MAMLD1: variants seen among roughly 807,000 people sequenced by gnomAD.
MAMLD1 encodes mastermind like domain containing 1, also known as mastermind-like domain-containing protein 1.
MAMLD1 carries 14 observed loss-of-function variants against 45.0 expected under a neutral mutation model. The ratio of observed to expected loss-of-function variants is 0.31; its 90% CI spans 0.21 to 0.49. MAMLD1 has a LOEUF of 0.49. Ranked by LOEUF, MAMLD1 falls within the 20% of genes least tolerant of loss-of-function variation. The pLI is 0.99. For synonymous variants in MAMLD1, 254 were observed against 247.8 expected, an observed-to-expected ratio of 1.02 and a Z score of -0.24; for missense variants, 543 against 603.6, an observed-to-expected ratio of 0.90 and a Z score of 1.05.
chrX:150,386,209 G>A (rs1402794420), intron 1 of MAMLD1, among the ~76,000 whole-genome samples: 1 of 111,077 alleles, frequency 9.0e-6, no homozygotes, highest in Non-Finnish European at 1.9e-5. Flanking sequence ...GCTTTTTCCA[G>A]CAGTAATTTA....
chrX:150,443,766 AC>A (rs782815326), intron 1 of MAMLD1, among the ~76,000 whole-genome samples: 2 of 109,163 alleles, frequency 1.8e-5, no homozygotes, highest in South Asian at 7.9e-4. Flanking sequence ...CTTTGCTGAG[AC>A]TTTCTATATT....
At chrX:150,404,380 C>G (rs2033947687) in intron 1 of MAMLD1, among the ~76,000 whole-genome samples, 1 of 111,597 alleles carries the variant, frequency 9.0e-6, no homozygotes, top group Non-Finnish European at 1.9e-5. Flanking sequence ...GAGATTCTCA[C>G]CCAGAAAGCT....
At chrX:150,407,556 T>C (rs1203771302) in intron 1 of MAMLD1, among the ~76,000 whole-genome samples, 1 of 112,293 alleles carries the variant, frequency 8.9e-6, no homozygotes, top group Non-Finnish European at 1.9e-5. Flanking sequence ...ACCTATTTGA[T>C]TACTTAGGCT....
chrX:150,407,009 A>G, intron 1 of MAMLD1, among the ~76,000 whole-genome samples: 1 of 110,632 alleles, frequency 9.0e-6, no homozygotes, highest in Non-Finnish European at 1.9e-5. Context: ...TCTCAGGAGA[A>G]CCTCTCTAAC....
intron 1 of MAMLD1, among the ~76,000 whole-genome samples, chrX:150,398,738 T>C (rs377036151): frequency 1.8e-4 from 20 of 111,973 alleles, no homozygotes; most frequent in East Asian, 1.4e-3. Context: ...GACATTTCTA[T>C]GTCCTATGAC....
At chrX:150,477,130 T>C (rs1382424152) in intron 5 of MAMLD1, among the ~76,000 whole-genome samples, 1 of 113,375 alleles carries the variant, frequency 8.8e-6, no homozygotes, top group African/African-American at 3.2e-5. Context: ...GCTCAGACTT[T>C]GGATCACTTG....
At chrX:150,455,716 C>T (rs1284325809) in intron 2 of MAMLD1, among the ~76,000 whole-genome samples, 2 of 110,872 alleles carry the variant, frequency 1.8e-5, no homozygotes, top group East Asian at 5.6e-4. Flanking sequence ...CCTCTAATCA[C>T]CCTACACTGC....
chrX:150,368,487 A>G (rs2031702019), intron 1 of MAMLD1, among the ~76,000 whole-genome samples: 1 of 110,635 alleles, frequency 9.0e-6, no homozygotes, highest in African/African-American at 3.3e-5. Flanking sequence ...GTAGATTGCA[A>G]AAATTTTCTC....
chrX:150,427,443 A>T (rs1488986761), intron 1 of MAMLD1, among the ~76,000 whole-genome samples: 4 of 111,918 alleles, frequency 3.6e-5, no homozygotes, highest in African/African-American at 1.3e-4. Flanking sequence ...ACCCTTGAAA[A>T]ATGATGGCTC....
At chrX:150,454,404 A>C (rs1292510234) in intron 2 of MAMLD1, among the ~76,000 whole-genome samples, 2 of 112,075 alleles carry the variant, frequency 1.8e-5, no homozygotes, top group Non-Finnish European at 3.8e-5. Flanking sequence ...TTTTAGCCAC[A>C]TGACATCTAA....
chrX:150,481,964 AAAAG>A (rs57124938), intron 5 of MAMLD1, among the ~76,000 whole-genome samples: 8,956 of 56,060 alleles, frequency 0.16, 725 homozygotes, highest in Middle Eastern at 0.18. Flanking sequence ...AAAGAAAGAA[AAAAG>A]AAAGAAAGAA....
chrX:150,459,548 C>T lies in MAMLD1; in HGVS notation c.97-3224C>T, dbSNP rs187080916. Among the ~76,000 whole-genome samples, 15 of 109,463 alleles carry T rather than the reference C, an allele frequency of 1.4e-4. No individual in the cohort carries two copies. In the East Asian group the frequency reaches 4.4e-3, roughly 32 times the overall value. On this transcript the variant is annotated intron_variant, in intron 2 of 7. Transcript: ENST00000370401. ...CCAAGTTCACTCCCTGGTTCCACCA[C>T]TTTTTAGCCAGCCAAATGCCCTTAA...
At chrX:150,504,417 T>A in intron 6 of MAMLD1, 1 of 753,961 alleles carries the variant, frequency 1.3e-6, no homozygotes, top group Non-Finnish European at 1.6e-6. Flanking sequence ...GGCTTTGGTA[T>A]GTACAGCCTT....
At chrX:150,450,100 G>A (rs782208320) in intron 2 of MAMLD1, among the ~76,000 whole-genome samples, 15 of 112,000 alleles carry the variant, frequency 1.3e-4, no homozygotes, top group African/African-American at 4.5e-4. Context: ...GCCTTCTGCA[G>A]GCCAGGCACT....
chrX:150,499,961 A>G (rs955744597), intron 5 of MAMLD1, among the ~76,000 whole-genome samples: 2 of 112,269 alleles, frequency 1.8e-5, no homozygotes, highest in African/African-American at 6.5e-5. Flanking sequence ...GACTAGCACA[A>G]TGCTCACCAG....
rs142695329 is a variant in MAMLD1, at chrX:150,378,198, C to T, written c.-64+14668C>T. ...AGCATTGACATTTCTGAAGAGTACA[C>T]GCCAGTTATTTTGCATAAAGTCCCT... On this transcript the variant is annotated intron_variant, in intron 1 of 7. Coordinates refer to ENST00000370401, the MANE Select transcript of MAMLD1 (RefSeq NM_005491.5). Among the ~76,000 whole-genome samples, 171 of 112,068 alleles carry T rather than the reference C, an allele frequency of 1.5e-3. 3 individuals carry two copies. In the East Asian group the frequency reaches 0.038, roughly 25 times the overall value.
At chrX:150,448,266 G>A (rs1042616173) in intron 2 of MAMLD1, among the ~76,000 whole-genome samples, 1 of 111,749 alleles carries the variant, frequency 8.9e-6, no homozygotes, top group Non-Finnish European at 1.9e-5. Flanking sequence ...GCATTGACTA[G>A]GTGCTAGGCA....
At chrX:150,386,415 T>C (rs1603226463) in intron 1 of MAMLD1, among the ~76,000 whole-genome samples, 2 of 111,134 alleles carry the variant, frequency 1.8e-5, no homozygotes, top group Middle Eastern at 4.6e-3. Flanking sequence ...TGAATTAGAA[T>C]TGTGTTTGGG....
At chrX:150,496,360 C>T (rs1557408282) in intron 5 of MAMLD1, among the ~76,000 whole-genome samples, 1 of 112,711 alleles carries the variant, frequency 8.9e-6, no homozygotes, top group African/African-American at 3.2e-5. Flanking sequence ...TATGGTGTGA[C>T]TTTGAGCAAG....
Sources: allele counts gnomAD v4.1 joint callset (sites outside exome capture counted in the v4.1 genomes callset), GRCh38; gene constraint gnomAD v4.1.1; transcripts MANE v1.5; gene names NCBI Gene and HGNC (gene_info 2026-07-23, HGNC 2026-07-21).